Variants in CTNND2 observed in about 807,000 individuals in gnomAD.
The protein encoded by CTNND2 is catenin delta 2.
CTNND2 carries 22 observed loss-of-function variants against 144.4 expected under a neutral mutation model. The observed-to-expected ratio is 0.15, with a 90% confidence interval of 0.11 to 0.22. CTNND2 has a LOEUF of 0.22. CTNND2 is among the 10% of genes least tolerant of loss of function. The pLI, the probability that CTNND2 is intolerant of heterozygous loss-of-function variation, is 1.00. For synonymous variants in CTNND2, 751 were observed against 695.6 expected (o/e 1.08, Z -1.25); for missense variants, 1,353 against 1,618.8 (o/e 0.84, Z 2.82).
At chr5:11,639,639 C>G (rs1012228393) in intron 2 of CTNND2, among the ~76,000 whole-genome samples, 1 of 152,116 alleles carries the variant, frequency 6.6e-6, no homozygotes, top group Non-Finnish European at 1.5e-5. Flanking sequence ...AACAAACATA[C>G]TAGAACCTCT....
intron 16 of CTNND2, among the ~76,000 whole-genome samples, chr5:11,068,349 G>A: frequency 6.6e-6 from 1 of 152,158 alleles, no homozygotes; most frequent in East Asian, 1.9e-4. Context: ...TAAGAATGGT[G>A]TTCTTTAGAA....
chr5:11,728,812 A>G (rs1032196942), intron 2 of CTNND2, among the ~76,000 whole-genome samples: 4 of 152,050 alleles, frequency 2.6e-5, no homozygotes, highest in South Asian at 4.1e-4. Context: ...ATTTTTTTCT[A>G]TTTTAAAACT....
intron 1 of CTNND2, among the ~76,000 whole-genome samples, chr5:11,784,452 G>C (rs1226330774): frequency 6.6e-6 from 1 of 152,142 alleles, no homozygotes; most frequent in African/African-American, 2.4e-5. Flanking sequence ...TGACCCCCAT[G>C]TAATCCATAT....
intron 16 of CTNND2, among the ~76,000 whole-genome samples, chr5:11,043,466 C>T (rs975346785): frequency 4.0e-5 from 6 of 151,758 alleles, no homozygotes; most frequent in African/African-American, 1.5e-4. Context: ...TGTATTTGCG[C>T]TATACTAAAA....
At chr5:11,718,295 G>C (rs1786468391) in intron 2 of CTNND2, among the ~76,000 whole-genome samples, 1 of 152,100 alleles carries the variant, frequency 6.6e-6, no homozygotes, top group South Asian at 2.1e-4. Flanking sequence ...GGACTATCTA[G>C]AGTCTCCTAT....
intron 2 of CTNND2, among the ~76,000 whole-genome samples, chr5:11,578,180 T>C (rs1332946459): frequency 3.3e-5 from 5 of 152,166 alleles, no homozygotes; most frequent in African/African-American, 7.2e-5. Context: ...CCACTGTTGA[T>C]TGAGGGGACT....
At chr5:11,093,647 A>G (rs372641702) in intron 15 of CTNND2, among the ~76,000 whole-genome samples, 1 of 152,182 alleles carries the variant, frequency 6.6e-6, no homozygotes, top group Non-Finnish European at 1.5e-5. Flanking sequence ...ATGCAAAATT[A>G]TAGTATTTTA....
chr5:11,495,968 T>C (rs61757518), intron 3 of CTNND2, among the ~76,000 whole-genome samples: 2,511 of 152,162 alleles, frequency 0.017, 72 homozygotes, highest in African/African-American at 0.058. Flanking sequence ...CCTCAAGTCA[T>C]TGCTATGATG....
chr5:11,037,268 C>T (rs532714156), intron 16 of CTNND2, among the ~76,000 whole-genome samples: 1 of 152,256 alleles, frequency 6.6e-6, no homozygotes, highest in African/African-American at 2.4e-5. Context: ...AACAACCAGA[C>T]CTATTCAGCC....
chr5:11,839,882 A>G (rs2126980458), intron 1 of CTNND2, among the ~76,000 whole-genome samples: 1 of 152,320 alleles, frequency 6.6e-6, no homozygotes, highest in Non-Finnish European at 1.5e-5. Context: ...CCTATTTGCT[A>G]GAATTGAGTC....
rs1385729076 is a variant in CTNND2 at position 11,124,241 on chromosome 5, A to G, written c.2160-6674T>C. Among the ~76,000 whole-genome samples the G allele has an allele frequency of 1.3e-5, 2 of 152,154 alleles. 1 individual carries two copies. The highest frequency in any genetic ancestry group is 2.9e-5 in the Non-Finnish European group (2 of 68,032). On this transcript the variant is annotated intron_variant, in intron 12 of 21. Coordinates refer to ENST00000304623, the MANE Select transcript of CTNND2 (RefSeq NM_001332.4). ...AGACCTAATAGCTACCCCTTCAAAG[A>G]GCCATATTATTAGCAGCCAAATCGA...
intron 11 of CTNND2, among the ~76,000 whole-genome samples, chr5:11,196,726 T>A (rs1736892092): frequency 6.6e-6 from 1 of 152,208 alleles, no homozygotes; most frequent in Non-Finnish European, 1.5e-5. Flanking sequence ...TTGTCAGGCC[T>A]ATCGCTTTAA....
chr5:11,852,778 T>C (rs2127007628), intron 1 of CTNND2, among the ~76,000 whole-genome samples: 1 of 152,306 alleles, frequency 6.6e-6, no homozygotes, highest in Admixed American at 6.5e-5. Context: ...TTTGAATTAC[T>C]TGTTCATAGA....
chr5:11,262,761 C>CAAAA (rs11289676), intron 9 of CTNND2, among the ~76,000 whole-genome samples: 40 of 45,672 alleles, frequency 8.8e-4, no homozygotes, highest in East Asian at 1.5e-3. Context: ...GACTCTGTCT[C>CAAAA]AAAAAAAAAA....
intron 1 of CTNND2, among the ~76,000 whole-genome samples, chr5:11,816,601 G>A (rs1348987344): frequency 3.7e-5 from 5 of 136,368 alleles, no homozygotes; most frequent in African/African-American, 1.4e-4. Flanking sequence ...AGCAGGTAGG[G>A]GAGGGAAGAG....
chr5:11,582,918 A>C (rs781436872), intron 2 of CTNND2, among the ~76,000 whole-genome samples: 4 of 152,192 alleles, frequency 2.6e-5, no homozygotes, highest in Admixed American at 6.5e-5. Flanking sequence ...TTTCCTCTAC[A>C]CTACAATGAA....
chr5:11,069,363 G>T (rs1747977102), intron 16 of CTNND2, among the ~76,000 whole-genome samples: 2 of 152,140 alleles, frequency 1.3e-5, no homozygotes, highest in Non-Finnish European at 2.9e-5. Flanking sequence ...GCCTGAATTT[G>T]TCTTGGAATA....
intron 2 of CTNND2, among the ~76,000 whole-genome samples, chr5:11,664,243 C>T (rs1783432665): frequency 6.6e-6 from 1 of 152,170 alleles, no homozygotes; most frequent in Non-Finnish European, 1.5e-5. Flanking sequence ...ACTTCTGTGT[C>T]ATACCTTGAC....
At chr5:11,487,545 G>A (rs897947679) in intron 3 of CTNND2, among the ~76,000 whole-genome samples, 2 of 152,092 alleles carry the variant, frequency 1.3e-5, no homozygotes, top group African/African-American at 4.8e-5. Flanking sequence ...CCATGAAGGT[G>A]GCATGTGGCA....
Sources: gnomAD v4.1 joint callset for allele counts (sites outside exome capture counted in the v4.1 genomes callset) on GRCh38, gnomAD v4.1.1 for gene constraint, MANE v1.5 for transcripts, NCBI Gene and HGNC (gene_info 2026-07-23, HGNC 2026-07-21) for gene names.